Variants in RNF157 observed in about 807,000 individuals in gnomAD.
RNF157 encodes E3 ubiquitin ligase RNF157.
Under a neutral mutation model 88.3 loss-of-function variants are expected in RNF157, and 55 were observed. That is an observed-to-expected ratio of 0.62 (90% confidence interval 0.50 to 0.78). The LOEUF is 0.78. RNF157 is among the 30% of genes least tolerant of loss of function. RNF157 has a pLI of 0.00. For synonymous variants in RNF157, 334 were observed against 341.2 expected (o/e 0.98, Z 0.23); for missense variants, 788 against 860.8 (o/e 0.92, Z 1.06).
In RNF157 at chr17:76,146,024, C is replaced by A. The variant is rs903001289; in HGVS notation, c.1922-671G>T. On this transcript the variant is annotated intron_variant, in intron 18 of 18. Transcript: ENST00000269391. The surrounding 1 kb of genome is among the most constrained non-coding windows in gnomAD (Gnocchi z 4.2). ...GGGTCCCACAGATACCATCACTAAA[C>A]GCATCCGCTCCCCAAATCTGCTGCT... 2.0e-5 allele frequency among the ~76,000 whole-genome samples: 3 copies of A among 152,214 alleles called. No individual in the cohort carries two copies. Among genetic ancestry groups the A allele is most frequent in the Non-Finnish European group, 4.4e-5 (3 of 68,030 alleles).
intron 7 of RNF157, 73 bp from the exon 8 acceptor site, chr17:76,164,868 T>C: frequency 8.9e-7 from 1 of 1,120,294 alleles, no homozygotes; most frequent in Non-Finnish European, 1.3e-6. Context: ...CTGTTACATC[T>C]CCCAGTTACA....
At chr17:76,233,014 G>A (rs2070220546) in intron 1 of RNF157, among the ~76,000 whole-genome samples, 1 of 151,850 alleles carries the variant, frequency 6.6e-6, no homozygotes, top group African/African-American at 2.4e-5. Flanking sequence ...TCTGCCTCCT[G>A]GGTTCAAGTG....
intron 2 of RNF157, among the ~76,000 whole-genome samples, chr17:76,182,572 A>T (rs1036563626): frequency 2.0e-5 from 3 of 151,536 alleles, no homozygotes; most frequent in Middle Eastern, 3.4e-3. Context: ...GCTGTAAAAA[A>T]ATATGGTCAC....
rs577738668 is a variant in RNF157 at position 76,221,249 on chromosome 17, C to T, written c.89-8767G>A. On this transcript the variant is annotated intron_variant, in intron 1 of 18. Transcript: ENST00000269391. Reference sequence around the variant, plus strand: ...ATAAATCATCCATTACCAAACCTCTCCCCCACAAAAAAGACAACCAGATAC... The same window carrying T: ...ATAAATCATCCATTACCAAACCTCTTCCCCACAAAAAAGACAACCAGATAC... 1.6e-4 allele frequency among the ~76,000 whole-genome samples: 24 copies of T among 152,192 alleles called. No homozygotes were observed. In the South Asian group the frequency reaches 4.8e-3, roughly 30 times the overall value.
At chr17:76,230,861 AGAG>A in intron 1 of RNF157, among the ~76,000 whole-genome samples, 33 of 41,362 alleles carry the variant, frequency 8.0e-4, no homozygotes, top group African/African-American at 4.0e-3. Context: ...AAAAAAAAAG[AGAG>A]AGAGAGAGAG....
chr17:76,214,576 A>G (rs899321832), intron 1 of RNF157, among the ~76,000 whole-genome samples: 1 of 152,182 alleles, frequency 6.6e-6, no homozygotes, highest in Admixed American at 6.6e-5. Flanking sequence ...TTTCTCTACC[A>G]ATTACTACAC....
intron 2 of RNF157, among the ~76,000 whole-genome samples, chr17:76,182,387 G>A (rs2069203157): frequency 6.6e-6 from 1 of 151,910 alleles, no homozygotes; most frequent in Non-Finnish European, 1.5e-5. Flanking sequence ...GCCAGACCAT[G>A]CCCAAATGCA....
intron 13 of RNF157, 21 bp downstream of exon 13, chr17:76,158,372 G>A: frequency 6.6e-7 from 1 of 1,524,210 alleles, no homozygotes; most frequent in Non-Finnish European, 9.1e-7. Flanking sequence ...CACCCAAGAA[G>A]AGGAGAGGAA....
intron 3 of RNF157, among the ~76,000 whole-genome samples, chr17:76,172,276 T>C (rs2069026455): frequency 6.6e-6 from 1 of 152,124 alleles, no homozygotes; most frequent in African/African-American, 2.4e-5. Flanking sequence ...ATCGTGCCAC[T>C]GTACTGCAGC....
rs1464300252 is a variant in RNF157, at chr17:76,174,241, A to G, written c.208-451T>C. Among the ~76,000 whole-genome samples the G allele has an allele frequency of 1.3e-5, 2 of 152,196 alleles. 1 individual carries two copies. The highest frequency in any genetic ancestry group is 1.3e-4 in the Admixed American group (2 of 15,286). On this transcript the variant is annotated intron_variant, in intron 2 of 18. Coordinates refer to ENST00000269391, the MANE Select transcript of RNF157 (RefSeq NM_052916.3). ...CCAGGAGTTTAGGGACCGCAAATAA[A>G]AGAGGGCCCCATCATGTGTACAGAG...
At chr17:76,193,345 C>T (rs954655420) in intron 2 of RNF157, among the ~76,000 whole-genome samples, 16 of 152,122 alleles carry the variant, frequency 1.1e-4, no homozygotes, top group African/African-American at 2.4e-5. Flanking sequence ...ACTTGTAATG[C>T]TATTTTGAAT....
intron 12 of RNF157, 137 bp from the exon 13 acceptor site, chr17:76,158,638 C>T: frequency 1.6e-5 from 10 of 632,764 alleles, no homozygotes; most frequent in Non-Finnish European, 2.9e-6. Context: ...TTATGTTTCC[C>T]AGGCTGGGCT....
intron 1 of RNF157, among the ~76,000 whole-genome samples, chr17:76,227,595 T>C (rs908576843): frequency 2.0e-5 from 3 of 151,552 alleles, no homozygotes; most frequent in African/African-American, 7.3e-5. Flanking sequence ...TAAGAGGTAG[T>C]GGCCCGGCAT....
At chr17:76,230,173 C>A (rs1223602651) in intron 1 of RNF157, among the ~76,000 whole-genome samples, 1 of 152,168 alleles carries the variant, frequency 6.6e-6, no homozygotes, top group Non-Finnish European at 1.5e-5. Flanking sequence ...AGTCCTTTGG[C>A]AATCCACAGA....
In RNF157 at chr17:76,162,645, T is replaced by C. The variant is rs377318435; in HGVS notation, c.721-22A>G. 9.4e-6 allele frequency: 15 copies of C among 1,589,280 alleles called. No individual in the cohort carries two copies. The African/African-American group carries it at 1.9e-4, about 20-fold the overall frequency. ...CTACCTGAACAGCAAACAGAAAGGT[T>C]CAAGGACAGGCTGTCTCTACTGAGA... On this transcript the variant is annotated intron_variant, in intron 8 of 18. Coordinates refer to ENST00000269391, the MANE Select transcript of RNF157 (RefSeq NM_052916.3).
intron 1 of RNF157, among the ~76,000 whole-genome samples, chr17:76,238,226 G>T (rs1274983320): frequency 6.6e-6 from 1 of 152,150 alleles, no homozygotes; most frequent in Admixed American, 6.5e-5. Flanking sequence ...CGATGCCTCC[G>T]TCTAGAGCAT....
At position 76,197,472 on chromosome 17, in the gene RNF157, G is replaced by A. The variant is rs551183476; in HGVS notation, c.207+14892C>T. On this transcript the variant is annotated intron_variant, in intron 2 of 18. Coordinates refer to ENST00000269391, the MANE Select transcript of RNF157 (RefSeq NM_052916.3). ...GAGGCCAGGTGTTTGAGACCACCCTGGGCAACACAGCAAGACCCCATCTTT... is the reference window on the plus strand; with the variant it reads ...GAGGCCAGGTGTTTGAGACCACCCTAGGCAACACAGCAAGACCCCATCTTT... 1.1e-4 allele frequency among the ~76,000 whole-genome samples: 16 copies of A among 152,132 alleles called. No individual in the cohort carries two copies. In the South Asian group the frequency reaches 1.7e-3, roughly 16 times the overall value.
chr17:76,161,949 C>G lies in RNF157; in HGVS notation c.846G>C (p.Ser282=). The change falls in exon 10 of 19, where the codon TCG becomes TCC. Residue 282 remains serine (S), a synonymous_variant. Transcript: ENST00000269391. The surrounding 1 kb of genome is among the most constrained non-coding windows in gnomAD (Gnocchi z 4.6). ...GCAGAATCAAGGTGTCCCGGACATC[C>G]GAGAGACACACCACACACTCGGCAC... ...DNSAECVVCL[S]DVRDTLILPC... The G allele has an allele frequency of 6.2e-7, 1 of 1,614,188 alleles. No homozygotes were observed. The highest frequency in any genetic ancestry group is 8.5e-7 in the Non-Finnish European group (1 of 1,180,036).
chr17:76,166,345 CTCACAG>C (rs2068924215), intron 6 of RNF157, 110 bp downstream of exon 6: 1 of 840,072 alleles, frequency 1.2e-6, no homozygotes, highest in Non-Finnish European at 2.0e-6. Context: ...GACTGCCTGA[CTCACAG>C]TCACAAACAC....
Sources: allele counts gnomAD v4.1 joint callset (sites outside exome capture counted in the v4.1 genomes callset), GRCh38; gene constraint gnomAD v4.1.1; non-coding constraint Gnocchi (gnomAD v3.1); transcripts MANE v1.5; gene names NCBI Gene and HGNC (gene_info 2026-07-23, HGNC 2026-07-21).